PTPN2: variants seen among roughly 807,000 people sequenced by gnomAD.
PTPN2 encodes the protein tyrosine-protein phosphatase non-receptor type 2.
PTPN2 carries 19 observed loss-of-function variants against 57.3 expected under a neutral mutation model. The observed-to-expected ratio is 0.33, with a 90% CI of 0.23 to 0.49. The LOEUF is 0.49. Ranked by LOEUF, PTPN2 falls within the 20% of genes least tolerant of loss-of-function variation. The pLI, the probability that PTPN2 is intolerant of heterozygous loss-of-function variation, is 0.99. For missense variants in PTPN2, 358 were observed against 501.1 expected (o/e 0.71, Z 2.73); for synonymous variants, 153 against 164.9 (o/e 0.93, Z 0.55).
chr18:12,863,568 G>A (rs1294306331), intron 1 of PTPN2: 3 of 140,280 alleles, frequency 2.1e-5, no homozygotes, highest in Non-Finnish European at 4.6e-5. Flanking sequence ...GGGGGGGCAA[G>A]TGGGGACTGT....
intron 5 of PTPN2, among the ~76,000 whole-genome samples, chr18:12,820,081 G>C (rs796114471): frequency 6.6e-6 from 1 of 152,128 alleles, no homozygotes; most frequent in Non-Finnish European, 1.5e-5. Context: ...ACAATCTTGG[G>C]CAACAGCTTG....
At chr18:12,857,052 C>A (rs1293648195) in intron 2 of PTPN2, among the ~76,000 whole-genome samples, 3 of 101,154 alleles carry the variant, frequency 3.0e-5, no homozygotes, top group Non-Finnish European at 4.3e-5. Context: ...CAGAGTGAGA[C>A]ACCATCTCAA....
chr18:12,814,212 A>C lies in PTPN2; in HGVS notation c.849T>G (p.Ser283=). The C allele has an allele frequency of 1.3e-6, 2 of 1,587,986 alleles. No individual in the cohort carries two copies. Among genetic ancestry groups the C allele is most frequent in the Non-Finnish European group, 1.7e-6 (2 of 1,161,900 alleles). Residue 283 remains serine (S), a synonymous_variant, in exon 7 of 9, where the codon TCT becomes TCG. Coordinates refer to ENST00000309660, the MANE Select transcript of PTPN2 (RefSeq NM_002828.4). ...CCTGTATGAAGTTTACCTGTATACTAGAATCTCCCTTTATACATTTTGCTC... is the reference window on the plus strand; with the variant it reads ...CCTGTATGAAGTTTACCTGTATACTCGAATCTCCCTTTATACATTTTGCTC... The part of the protein sequence containing the change: ...IEGAKCIKGD[S]SIQKRWKELS...
chr18:12,870,375 A>ACG (rs2044182702), intron 1 of PTPN2, among the ~76,000 whole-genome samples: 2 of 56,988 alleles, frequency 3.5e-5, no homozygotes, highest in Admixed American at 1.6e-4. Flanking sequence ...GTATATATAC[A>ACG]TATATATACG....
chr18:12,873,937 G>A (rs1351747360), intron 1 of PTPN2, among the ~76,000 whole-genome samples: 3 of 148,382 alleles, frequency 2.0e-5, no homozygotes, highest in Non-Finnish European at 4.4e-5. Flanking sequence ...CTGCCCGGTC[G>A]CGACCCCGTC....
intron 2 of PTPN2, among the ~76,000 whole-genome samples, chr18:12,837,923 C>T (rs910450176): frequency 6.6e-6 from 1 of 152,162 alleles, no homozygotes; most frequent in Non-Finnish European, 1.5e-5. Flanking sequence ...ACAGGAAAAA[C>T]TAAGATCTTG....
chr18:12,829,758 TAATGACAGAA>T (rs2042604680), intron 4 of PTPN2, among the ~76,000 whole-genome samples: 1 of 152,114 alleles, frequency 6.6e-6, no homozygotes, highest in Non-Finnish European at 1.5e-5. Context: ...TTAAGAGAAG[TAATGACAGAA>T]TTGGATTATC....
At chr18:12,814,428 G>A (rs2041997413) in intron 6 of PTPN2, 73 bp from the exon 7 acceptor site, 1 of 1,319,454 alleles carries the variant, frequency 7.6e-7, no homozygotes. Flanking sequence ...CAAGATCATT[G>A]CTAAGATTTT....
At chr18:12,825,469 G>A (rs1334231283) in intron 5 of PTPN2, among the ~76,000 whole-genome samples, 1 of 152,036 alleles carries the variant, frequency 6.6e-6, no homozygotes, top group Non-Finnish European at 1.5e-5. Context: ...TGAGGGTGGG[G>A]AACAAGTCTA....
chr18:12,835,344 C>T (rs900435449), intron 3 of PTPN2, among the ~76,000 whole-genome samples: 1 of 143,256 alleles, frequency 7.0e-6, no homozygotes, highest in Non-Finnish European at 1.5e-5. Context: ...GAGTCTGATG[C>T]GTTAAAATAA....
chr18:12,883,823 G>A, intron 1 of PTPN2: 2 of 366,350 alleles, frequency 5.5e-6, no homozygotes, highest in Non-Finnish European at 9.8e-6. Context: ...CCGCCCTCCA[G>A]AACTAACTGC....
chr18:12,869,413 G>A (rs1208363173), intron 1 of PTPN2, among the ~76,000 whole-genome samples: 4 of 152,238 alleles, frequency 2.6e-5, no homozygotes, highest in South Asian at 4.1e-4. Context: ...TGCCTGCCTC[G>A]GCCTTCCAAA....
chr18:12,785,866 C>T, intron 9 of PTPN2: 1 of 1,583,080 alleles, frequency 6.3e-7, no homozygotes, highest in Non-Finnish European at 8.7e-7. Context: ...AATAAGAAGT[C>T]ATCTATTCAA....
In PTPN2 at chr18:12,870,462, TAGAGAG is replaced by T. The variant is rs762120431; in HGVS notation, c.70-11214_70-11209del. The stretch of plus-strand genomic sequence containing the variant: ...ATGTGTATATATATATATATATATA[TAGAGAG>T]AGAGAGAGAGAGAGAGAGAGAGAGA... On this transcript the variant is annotated intron_variant, in intron 1 of 8. Coordinates refer to ENST00000309660, the MANE Select transcript of PTPN2 (RefSeq NM_002828.4). Among the ~76,000 whole-genome samples, 25 of 17,706 alleles carry T rather than the reference TAGAGAG, an allele frequency of 1.4e-3. 1 individual carries two copies. Among genetic ancestry groups the T allele is most frequent in the African/African-American group, 7.8e-3 (16 of 2,064 alleles). The allele number at this position is 17,706 out of a possible 152,430, so 11.6% of individuals were successfully genotyped here.
intron 1 of PTPN2, among the ~76,000 whole-genome samples, chr18:12,874,289 CGGGA>C (rs2044391841): frequency 7.7e-6 from 1 of 130,706 alleles, no homozygotes. Context: ...CCGCCCCGTC[CGGGA>C]GGGAGGTGGG....
rs111946060 is a variant in PTPN2, at chr18:12,802,224, G to A, written c.859-73C>T. ...ATTTTCCTTAAATAAAAAAATTTAT[G>A]AATTAAAATCCTATATTCAAGTTAA... On this transcript the variant is annotated intron_variant, in intron 7 of 8. Coordinates refer to ENST00000309660, the MANE Select transcript of PTPN2 (RefSeq NM_002828.4). The A allele has an allele frequency of 4.2e-6, 5 of 1,177,110 alleles. No individual in the cohort carries two copies. In the African/African-American group the frequency reaches 4.8e-5, roughly 11 times the overall value. 72.9% of individuals were successfully genotyped at this position (1,177,110 alleles called of 1,614,324 possible).
rs558478087 is a variant in PTPN2, at chr18:12,825,583, A to T, written c.495+227T>A. ...ATGTATTTCTATTAATTAATTTTTA[A>T]TCCCCAAATATCAAACTGAACTTTG... On this transcript the variant is annotated intron_variant, in intron 5 of 8. Coordinates refer to ENST00000309660, the MANE Select transcript of PTPN2 (RefSeq NM_002828.4). Among the ~76,000 whole-genome samples the T allele has an allele frequency of 9.9e-5, 15 of 152,166 alleles. No homozygotes were observed. The South Asian group carries it at 3.1e-3, about 32-fold the overall frequency.
rs1218202992 is a variant in PTPN2, at chr18:12,851,485, CAAAAAAAA to C, written c.160+7671_160+7678del. ...TGGGCGACAGAGCGAGACTCCGTCTCAAAAAAAAAAAAAAAAAAAGAAAAAAGAATAAT... is the reference window on the plus strand; with the variant it reads ...TGGGCGACAGAGCGAGACTCCGTCTCAAAAAAAAAAAGAAAAAAGAATAAT... On this transcript the variant is annotated intron_variant, in intron 2 of 8. Coordinates refer to ENST00000309660, the MANE Select transcript of PTPN2 (RefSeq NM_002828.4). 2.0e-4 allele frequency among the ~76,000 whole-genome samples: 2 copies of C among 9,908 alleles called. 1 individual carries two copies. Among genetic ancestry groups the C allele is most frequent in the Non-Finnish European group, 5.6e-4 (2 of 3,594 alleles). 6.5% of individuals were successfully genotyped at this position (9,908 alleles called of 152,430 possible).
chr18:12,880,273 A>G (rs1242310627), intron 1 of PTPN2, among the ~76,000 whole-genome samples: 1 of 152,192 alleles, frequency 6.6e-6, no homozygotes, highest in Non-Finnish European at 1.5e-5. Context: ...ACAGTGGAAA[A>G]GAGGGAGGAA....
Sources: allele counts gnomAD v4.1 joint callset (sites outside exome capture counted in the v4.1 genomes callset), GRCh38; gene constraint gnomAD v4.1.1; transcripts MANE v1.5; gene names NCBI Gene and HGNC (gene_info 2026-07-23, HGNC 2026-07-21).